The following TUSC3 variants were observed in gnomAD, a reference collection of about 807,000 sequenced individuals.
The protein encoded by TUSC3 is dolichyl-diphosphooligosaccharide--protein glycosyltransferase subunit TUSC3.
A neutral mutation model predicts 44.8 loss-of-function variants in TUSC3; 45 were observed. The observed-to-expected ratio is 1.00, with a 90% CI of 0.79 to 1.29. TUSC3 has a LOEUF of 1.29. Among genes scored for constraint, TUSC3 ranks in the 50% most tolerant of loss-of-function variants. TUSC3 has a pLI of 0.00. For missense variants in TUSC3, 519 were observed against 437.9 expected (o/e 1.19, Z -1.65); for synonymous variants, 212 against 152.9 (o/e 1.39, Z -2.85).
At chr8:15,733,900 C>G (rs1810825478) in intron 7 of TUSC3, among the ~76,000 whole-genome samples, 2 of 152,146 alleles carry the variant, frequency 1.3e-5, no homozygotes, top group Admixed American at 6.5e-5. Context: ...CAAAATTAGC[C>G]AGATGTGATG....
intron 1 of TUSC3, among the ~76,000 whole-genome samples, chr8:15,450,838 A>T (rs998563526): frequency 6.6e-6 from 1 of 152,202 alleles, no homozygotes; most frequent in East Asian, 1.9e-4. Flanking sequence ...AGGGGAATTC[A>T]TAGAACCTCC....
At chr8:15,645,802 A>AT in intron 2 of TUSC3, among the ~76,000 whole-genome samples, 2 of 152,130 alleles carry the variant, frequency 1.3e-5, no homozygotes, top group East Asian at 3.9e-4. Context: ...GTAAAATTTC[A>AT]TTTTTTCTTC....
chr8:15,647,390 A>AT (rs1416219212), intron 2 of TUSC3, among the ~76,000 whole-genome samples: 3 of 151,968 alleles, frequency 2.0e-5, no homozygotes, highest in African/African-American at 4.8e-5. Context: ...TCTTATGTTC[A>AT]TTTTTTTGTT....
At chr8:15,541,221 A>G (rs1317678294) in intron 1 of TUSC3, among the ~76,000 whole-genome samples, 1 of 152,222 alleles carries the variant, frequency 6.6e-6, no homozygotes, top group African/African-American at 2.4e-5. Context: ...AGTTCATTCA[A>G]TCTGATTTCA....
At chr8:15,649,072 A>T (rs764633723) in intron 2 of TUSC3, among the ~76,000 whole-genome samples, 1 of 152,154 alleles carries the variant, frequency 6.6e-6, no homozygotes, top group Non-Finnish European at 1.5e-5. Flanking sequence ...GATAAATACA[A>T]TATCTTTTCT....
At chr8:15,647,394 T>A (rs983234971) in intron 2 of TUSC3, among the ~76,000 whole-genome samples, 13 of 152,336 alleles carry the variant, frequency 8.5e-5, no homozygotes, top group Admixed American at 7.2e-4. Context: ...ATGTTCATTT[T>A]TTTGTTTTTA....
the TUSC3 span, among the ~76,000 whole-genome samples, chr8:15,843,213 C>T: frequency 7.4e-4 from 112 of 152,254 alleles, no homozygotes; most frequent in Non-Finnish European, 1.3e-3. Context: ...GGCAAACACA[C>T]TACAATACAT....
At chr8:15,595,356 C>A (rs1309709033) in intron 1 of TUSC3, among the ~76,000 whole-genome samples, 1 of 152,038 alleles carries the variant, frequency 6.6e-6, no homozygotes, top group African/African-American at 2.4e-5. Context: ...ATTCTAGGTG[C>A]CTTGGTTACC....
the TUSC3 span, among the ~76,000 whole-genome samples, chr8:15,850,948 C>A: frequency 6.6e-6 from 1 of 152,290 alleles, no homozygotes; most frequent in Non-Finnish European, 1.5e-5. Context: ...GAAGCTCTTT[C>A]CTTTCTGAGT....
intron 1 of TUSC3, among the ~76,000 whole-genome samples, chr8:15,552,663 G>T (rs1171986962): frequency 1.3e-5 from 2 of 151,648 alleles, no homozygotes; most frequent in African/African-American, 4.8e-5. Flanking sequence ...GGGAATAGTG[G>T]ATTGAGGCCA....
intron 2 of TUSC3, among the ~76,000 whole-genome samples, chr8:15,490,016 T>G (rs1310599568): frequency 6.6e-5 from 10 of 152,344 alleles, no homozygotes; most frequent in African/African-American, 2.4e-4. Flanking sequence ...TGTGTTGTTT[T>G]ACTAGGACAT....
chr8:15,506,116 A>T (rs527541001), intron 2 of TUSC3, among the ~76,000 whole-genome samples: 1 of 152,372 alleles, frequency 6.6e-6, no homozygotes, highest in Admixed American at 6.5e-5. Flanking sequence ...GATGAAAAAG[A>T]GAGTGACTTC....
chr8:15,641,500 A>G (rs1025166721), intron 2 of TUSC3, among the ~76,000 whole-genome samples: 13 of 152,228 alleles, frequency 8.5e-5, no homozygotes, highest in African/African-American at 2.9e-4. Context: ...GGAAGACACT[A>G]GAAGTAAGGT....
intron 6 of TUSC3, among the ~76,000 whole-genome samples, chr8:15,687,221 T>G (rs1397744329): frequency 6.6e-6 from 1 of 152,222 alleles, no homozygotes; most frequent in Non-Finnish European, 1.5e-5. Context: ...AACATATTTG[T>G]TAGGTACTCT....
At chr8:15,423,977 T>TTGTTTTTTTTTG (rs869142203) in intron 1 of TUSC3, among the ~76,000 whole-genome samples, 3 of 80,208 alleles carry the variant, frequency 3.7e-5, no homozygotes, top group African/African-American at 1.6e-4. Flanking sequence ...TTGTTTTTTT[T>TTGTTTTTTTTTG]TTTTTTTTTT....
intron 2 of TUSC3, among the ~76,000 whole-genome samples, chr8:15,524,689 C>G (rs1485388892): frequency 6.6e-6 from 1 of 152,104 alleles, no homozygotes; most frequent in Non-Finnish European, 1.5e-5. Flanking sequence ...CAATGGAGAA[C>G]CTATTTTTAG....
chr8:15,476,233 G>T lies in TUSC3; in HGVS notation n.92-7153G>T, dbSNP rs370737781. ...ATGTCTAATCCAATGTGAACCCTGA[G>T]TAGGATGAAAAAATAGCTACACGAA... On this transcript the variant is annotated intron_variant and non_coding_transcript_variant, in intron 1 of 5. Transcript: ENST00000503191. 2.0e-5 allele frequency among the ~76,000 whole-genome samples: 3 copies of T among 152,278 alleles called. No homozygotes were observed. In the East Asian group the frequency reaches 5.8e-4, roughly 29 times the overall value.
At chr8:15,556,006 T>A (rs1385758118) in intron 1 of TUSC3, among the ~76,000 whole-genome samples, 5 of 151,196 alleles carry the variant, frequency 3.3e-5, no homozygotes, top group Non-Finnish European at 7.4e-5. Context: ...TTTTTATTTT[T>A]TATTTTTTTT....
At position 15,540,310 on chromosome 8, in the gene TUSC3, C is replaced by A. The variant is rs957130821; in HGVS notation, c.-121C>A. The A allele has an allele frequency of 1.5e-6, 2 of 1,324,580 alleles. No individual in the cohort carries two copies. The highest frequency in any genetic ancestry group is 3.1e-5 in the African/African-American group (2 of 64,280). 82.1% of individuals were successfully genotyped at this position (1,324,580 alleles called of 1,614,324 possible). On this transcript the variant is annotated 5_prime_UTR_variant, in exon 1 of 11. Transcript: ENST00000503731. Reference sequence around the variant, plus strand: ...GCCGCGGCCCGGGTCCCTCGCAAAGCCGCTGCCATCCCGGAGGGCCCAGCC... The same window carrying A: ...GCCGCGGCCCGGGTCCCTCGCAAAGACGCTGCCATCCCGGAGGGCCCAGCC...
Sources: gnomAD v4.1 joint callset for allele counts (sites outside exome capture counted in the v4.1 genomes callset) on GRCh38, gnomAD v4.1.1 for gene constraint, MANE v1.5 for transcripts, NCBI Gene and HGNC (gene_info 2026-07-23, HGNC 2026-07-21) for gene names.